The following ADCY10 variants were observed in gnomAD, a reference collection of about 807,000 sequenced individuals.
ADCY10 encodes the protein adenylate cyclase type 10.
Under a neutral mutation model 183.3 loss-of-function variants are expected in ADCY10, and 156 were observed. That is an observed-to-expected ratio of 0.85 (90% CI 0.75 to 0.97). The LOEUF (loss-of-function observed/expected upper bound fraction) is 0.97. ADCY10 is among the 50% of genes least tolerant of loss of function. ADCY10 has a pLI of 0.00. For missense variants in ADCY10, 1,745 were observed against 1,934.3 expected (o/e 0.90, Z 1.84); for synonymous variants, 645 against 670.0 (o/e 0.96, Z 0.58).
intron 24 of ADCY10, among the ~76,000 whole-genome samples, chr1:167,833,575 A>G (rs1663947948): frequency 6.6e-6 from 1 of 152,044 alleles, no homozygotes; most frequent in African/African-American, 2.4e-5. Context: ...GTGAAACCCC[A>G]TCTCTACTAA....
intron 30 of ADCY10, chr1:167,820,313 G>A: frequency 2.7e-6 from 3 of 1,115,458 alleles, no homozygotes; most frequent in Admixed American, 6.0e-5. Flanking sequence ...CTCTGGGAAG[G>A]GGACTAGCCG....
chr1:167,872,310 C>A (rs1464018131), intron 13 of ADCY10, among the ~76,000 whole-genome samples: 2 of 151,746 alleles, frequency 1.3e-5, no homozygotes, highest in African/African-American at 4.8e-5. Context: ...TGCACTCCAG[C>A]CTGGGCAACA....
At chr1:167,880,402 C>T (rs542281006) in intron 10 of ADCY10, 89 bp downstream of exon 10, 2 of 1,082,530 alleles carry the variant, frequency 1.8e-6, no homozygotes, top group Non-Finnish European at 2.9e-6. Context: ...TTAATTAATT[C>T]TTCTTTCTTT....
chr1:167,817,379 T>C (rs890862794), intron 31 of ADCY10, among the ~76,000 whole-genome samples: 6 of 152,040 alleles, frequency 3.9e-5, no homozygotes, highest in Non-Finnish European at 8.8e-5. Context: ...TGGGTGTTGT[T>C]TTAAGCTGTT....
chr1:167,824,391 C>T lies in ADCY10; in HGVS notation c.4052+85G>A, dbSNP rs1189309279. ...TGCAAACTCTACTCCCTTCCCCACCCTAGGACTAGGCTAAAGTTGAACCCA... is the reference window on the plus strand; with the variant it reads ...TGCAAACTCTACTCCCTTCCCCACCTTAGGACTAGGCTAAAGTTGAACCCA... On this transcript the variant is annotated intron_variant, in intron 28 of 32. Transcript: ENST00000367851. The T allele has an allele frequency of 5.3e-6, 6 of 1,139,650 alleles. No homozygotes were observed. In the African/African-American group the frequency reaches 7.6e-5, roughly 14 times the overall value. 70.6% of individuals were successfully genotyped at this position (1,139,650 alleles called of 1,614,324 possible).
At chr1:167,865,354 GA>G (rs1234401633) in intron 14 of ADCY10, among the ~76,000 whole-genome samples, 2 of 152,152 alleles carry the variant, frequency 1.3e-5, no homozygotes, top group African/African-American at 4.8e-5. Context: ...GTTTTTCTGT[GA>G]ACTGGACATT....
Position 167,837,272 on chromosome 1 carries a change from A to T in ADCY10, c.3054T>A (p.Ser1018=), listed in dbSNP as rs1466537391. The change falls in exon 22 of 33, where the codon TCT becomes TCA. Residue 1018 remains serine, a synonymous_variant. Transcript: ENST00000367851. The part of the protein sequence containing the change: ...ILSNSEIPET[S]AFFPENRSPE... ...ACCTGCGATTTTCAGGAAAAAATGCAGATGTCTCAGGAATCTCTGAGTTGG... is the reference window on the plus strand; with the variant it reads ...ACCTGCGATTTTCAGGAAAAAATGCTGATGTCTCAGGAATCTCTGAGTTGG... The T allele has an allele frequency of 1.9e-6, 3 of 1,614,106 alleles. No homozygotes were observed. The highest frequency in any genetic ancestry group is 2.5e-6 in the Non-Finnish European group (3 of 1,179,924).
Position 167,834,059 on chromosome 1 carries a change from C to T in ADCY10, c.3328G>A (p.Glu1110Lys). The T allele has an allele frequency of 6.2e-7, 1 of 1,613,892 alleles. No individual in the cohort carries two copies. Among genetic ancestry groups the T allele is most frequent in the Non-Finnish European group, 8.5e-7 (1 of 1,179,806 alleles). Residue 1110 changes from glutamate (E) to lysine (K), a missense_variant, in exon 24 of 33, where the codon GAA becomes AAA. Transcript: ENST00000367851. Reference protein sequence around the residue: ...DNYMAYMYLNEGQKLLKTLKK... With the variant: ...DNYMAYMYLNKGQKLLKTLKK... ...AGAGTTTTTAGCAACTTCTGTCCTT[C>T]ATTCAAATACATGTATGCCTGTAAC... is the stretch of plus-strand genomic sequence containing the variant.
At chr1:167,874,804 A>G (rs749897830) in intron 13 of ADCY10, among the ~76,000 whole-genome samples, 8 of 152,244 alleles carry the variant, frequency 5.3e-5, no homozygotes, top group Non-Finnish European at 7.3e-5. Context: ...AATTACAGCT[A>G]CACCCAACAA....
Position 167,810,895 on chromosome 1 carries a change from C to T in ADCY10, c.4501G>A (p.Ala1501Thr), listed in dbSNP as rs759155837. 2 of 1,614,048 alleles carry T rather than the reference C, an allele frequency of 1.2e-6. No homozygotes were observed. Among genetic ancestry groups the T allele is most frequent in the Non-Finnish European group, 1.7e-6 (2 of 1,180,006 alleles). The stretch of plus-strand genomic sequence containing the variant: ...AAGACAGGGCCAGTGGTATTTTGAG[C>T]CACCAGATTCTCCAAGTTCTAAAGA... ...ELLKNLENLV[A>T]QNTTGPVFCP... is the part of the protein sequence containing the mutation. The change falls in exon 32 of 33, where the codon GCT (alanine) becomes ACT (threonine). Residue 1501 changes from alanine to threonine, a missense_variant. Physicochemically the swap from Ala to Thr is moderately conservative, Grantham distance 58. Coordinates refer to ENST00000367851, the MANE Select transcript of ADCY10 (RefSeq NM_018417.6).
At position 167,901,712 on chromosome 1, in the gene ADCY10, A is replaced by G. The variant is rs763018908; in HGVS notation, c.386T>C (p.Leu129Ser). 1 of 1,614,180 alleles carries G rather than the reference A, an allele frequency of 6.2e-7. No homozygotes were observed. Among genetic ancestry groups the G allele is most frequent in the South Asian group, 1.1e-5 (1 of 91,084 alleles). Residue 129 changes from leucine to serine, a missense_variant, in exon 5 of 33, where the codon TTG (leucine) becomes TCG (serine). Physicochemically the swap from Leu to Ser is moderately radical, Grantham distance 145. Transcript: ENST00000367851. ...VIKCSLEIHGLFETQEWEEGL... is the reference protein window; with the variant it reads ...VIKCSLEIHGSFETQEWEEGL... ...TTCTTCCCACTCCTGGGTCTCAAAC[A>G]ATCCATGGATCTCCAGGCTACATTT...
chr1:167,846,447 G>A (rs1665034411), intron 19 of ADCY10, among the ~76,000 whole-genome samples, 184 bp from the exon 20 acceptor site: 1 of 152,196 alleles, frequency 6.6e-6, no homozygotes, highest in African/African-American at 2.4e-5. Flanking sequence ...TGTGCTGGGA[G>A]TACTAAAGAT....
intron 16 of ADCY10, among the ~76,000 whole-genome samples, chr1:167,859,155 C>T (rs1388457611): frequency 6.6e-6 from 1 of 152,170 alleles, no homozygotes; most frequent in African/African-American, 2.4e-5. Flanking sequence ...CAGCGTGAGT[C>T]ACTACATCCA....
intron 21 of ADCY10, among the ~76,000 whole-genome samples, chr1:167,841,970 G>A (rs967604081): frequency 2.0e-5 from 3 of 152,238 alleles, no homozygotes; most frequent in Non-Finnish European, 2.9e-5. Context: ...GAGAAGAGTA[G>A]TCACTGATGA....
chr1:167,821,416 G>T (rs1662902694), intron 30 of ADCY10, among the ~76,000 whole-genome samples: 1 of 152,212 alleles, frequency 6.6e-6, no homozygotes, highest in Non-Finnish European at 1.5e-5. Flanking sequence ...GGTGATTTGG[G>T]AGATGAATTG....
chr1:167,873,849 C>T (rs575435735), intron 13 of ADCY10, among the ~76,000 whole-genome samples: 1 of 152,110 alleles, frequency 6.6e-6, no homozygotes, highest in African/African-American at 2.4e-5. Flanking sequence ...AATTTGATTA[C>T]ATTAAAGTTA....
At chr1:167,893,673 G>T (rs1668750347) in intron 8 of ADCY10, among the ~76,000 whole-genome samples, 180 bp downstream of exon 8, 1 of 138,294 alleles carries the variant, frequency 7.2e-6, no homozygotes, top group Non-Finnish European at 1.5e-5. Context: ...TTCAGCCTGG[G>T]TGACAGAGTG....
intron 14 of ADCY10, 127 bp downstream of exon 14, chr1:167,870,130 G>T: frequency 1.9e-6 from 2 of 1,058,596 alleles, no homozygotes; most frequent in East Asian, 2.4e-5. Flanking sequence ...TTAGCACAAG[G>T]GTCATGGCAT....
chr1:167,883,215 T>C (rs1204590363), intron 9 of ADCY10, among the ~76,000 whole-genome samples: 1 of 152,212 alleles, frequency 6.6e-6, no homozygotes, highest in Non-Finnish European at 1.5e-5. Context: ...TTTTTGCATT[T>C]TTAGTAGAGA....
Sources: allele counts gnomAD v4.1 joint callset (sites outside exome capture counted in the v4.1 genomes callset), GRCh38; gene constraint gnomAD v4.1.1; transcripts MANE v1.5; gene names NCBI Gene and HGNC (gene_info 2026-07-23, HGNC 2026-07-21).